The following TMPRSS7 variants were observed in gnomAD, a reference collection of about 807,000 sequenced individuals.
The protein encoded by TMPRSS7 is transmembrane protease serine 7.
A neutral mutation model predicts 95.6 loss-of-function variants in TMPRSS7; 81 were observed. The ratio of observed to expected loss-of-function variants is 0.85; its 90% CI spans 0.71 to 1.02. The LOEUF (loss-of-function observed/expected upper bound fraction) is 1.02. TMPRSS7 is among the 50% of genes least tolerant of loss of function. TMPRSS7 has a pLI of 0.00. For missense variants in TMPRSS7, 945 were observed against 955.2 expected (o/e 0.99, Z 0.14); for synonymous variants, 364 against 337.8 (o/e 1.08, Z -0.85).
intron 10 of TMPRSS7, among the ~76,000 whole-genome samples, chr3:112,060,786 G>A (rs1428692531): frequency 6.6e-6 from 1 of 152,154 alleles, no homozygotes; most frequent in Non-Finnish European, 1.5e-5. Flanking sequence ...ATGGGATTAA[G>A]AGATTAAAGT....
chr3:112,080,962 T>C, exon 18 of TMPRSS7: 1 of 1,613,510 alleles, frequency 6.2e-7, no homozygotes, highest in African/African-American at 1.3e-5. Context: ...TGATGGAAAA[T>C]GGATTTTGAC....
rs201649338 is a variant in TMPRSS7 at position 112,080,545 on chromosome 3, T to TACC, written c.2362-363_2362-361dup. ...TAGCCCTCACTACTACTACTACTACTACCACCACTACTACTACTACTACTA... is the reference window on the plus strand; with the variant it reads ...TAGCCCTCACTACTACTACTACTACTACCACCACCACTACTACTACTACTACTA... On this transcript the variant is annotated intron_variant, in intron 17 of 17. Transcript: ENST00000452346. Among the ~76,000 whole-genome samples the TACC allele has an allele frequency of 2.2e-3, 288 of 128,306 alleles. 1 individual carries two copies. The highest frequency in any genetic ancestry group is 2.8e-3 in the Non-Finnish European group (167 of 60,234). 84.2% of individuals were successfully genotyped at this position (128,306 alleles called of 152,430 possible). A position where few individuals can be genotyped will look rare whatever the true frequency, so the allele number is the denominator to read the frequency against.
intron 9 of TMPRSS7, among the ~76,000 whole-genome samples, chr3:112,053,905 T>G (rs2073397132): frequency 6.6e-6 from 1 of 152,240 alleles, no homozygotes; most frequent in Non-Finnish European, 1.5e-5. Flanking sequence ...CCAATACATT[T>G]TGTTATAGAA....
intron 13 of TMPRSS7, among the ~76,000 whole-genome samples, chr3:112,067,198 A>G (rs1489601535): frequency 6.6e-6 from 1 of 152,146 alleles, no homozygotes; most frequent in East Asian, 1.9e-4. Flanking sequence ...TCTGGTGTAT[A>G]TGTGCCACAT....
At chr3:112,060,387 G>A (rs1220471626) in intron 10 of TMPRSS7, among the ~76,000 whole-genome samples, 1 of 152,124 alleles carries the variant, frequency 6.6e-6, no homozygotes, top group Non-Finnish European at 1.5e-5. Flanking sequence ...AATAAGCCTG[G>A]GAGCACTAAG....
At chr3:112,046,078 A>G in intron 5 of TMPRSS7, 135 bp downstream of exon 5, 1 of 759,152 alleles carries the variant, frequency 1.3e-6, no homozygotes, top group Non-Finnish European at 2.1e-6. Flanking sequence ...GGATTAACTA[A>G]AGACATTGGA....
At chr3:112,066,109 A>AT (rs1479966240) in intron 12 of TMPRSS7, among the ~76,000 whole-genome samples, 4 of 152,230 alleles carry the variant, frequency 2.6e-5, no homozygotes, top group Admixed American at 1.3e-4. Context: ...CTCCCTTAAA[A>AT]TAAATTACTA....
At chr3:112,057,038 C>A (rs80263895) in exon 10 of TMPRSS7, 1 of 1,608,334 alleles carries the variant, frequency 6.2e-7, no homozygotes, top group Non-Finnish European at 8.5e-7. Context: ...TCTCTATCAA[C>A]TCTTGGCATA....
intron 9 of TMPRSS7, among the ~76,000 whole-genome samples, chr3:112,054,830 C>G (rs1277058883): frequency 6.9e-6 from 1 of 145,984 alleles, no homozygotes; most frequent in Non-Finnish European, 1.5e-5. Context: ...AGCTCCGCCT[C>G]CCAGGTTCAC....
intron 12 of TMPRSS7, among the ~76,000 whole-genome samples, chr3:112,065,333 T>A (rs2073562404): frequency 6.6e-6 from 1 of 152,198 alleles, no homozygotes; most frequent in African/African-American, 2.4e-5. Context: ...CGAGCCACCA[T>A]GCCTAGTTTA....
chr3:112,062,156 C>T (rs1012222263), intron 11 of TMPRSS7, among the ~76,000 whole-genome samples: 2 of 151,738 alleles, frequency 1.3e-5, no homozygotes, highest in Non-Finnish European at 2.9e-5. Flanking sequence ...AATAATATAA[C>T]TTTTTAATAT....
chr3:112,043,511 G>T (rs56163753), intron 3 of TMPRSS7, among the ~76,000 whole-genome samples: 44,379 of 151,994 alleles, frequency 0.29, 7,281 homozygotes, highest in East Asian at 0.45. Flanking sequence ...GTTGCACAGT[G>T]AATTTAAATT....
rs527984904 is a variant in TMPRSS7 at position 112,046,083 on chromosome 3, A to G, written c.691+140A>G. 6.8e-4 allele frequency: 500 copies of G among 739,492 alleles called. 7 individuals are homozygous for G. The South Asian group carries it at 9.6e-3, about 14-fold the overall frequency. The allele number at this position is 739,492 out of a possible 1,614,324, so 45.8% of individuals were successfully genotyped here. On this transcript the variant is annotated intron_variant, in intron 5 of 17. Transcript: ENST00000452346. Reference sequence around the variant, plus strand: ...CAGTGGCGCAGGATTAACTAAAGACATTGGAGCTATGTTAGTAAAGGAAAT... The same window carrying G: ...CAGTGGCGCAGGATTAACTAAAGACGTTGGAGCTATGTTAGTAAAGGAAAT...
In TMPRSS7 at chr3:112,049,827, T is replaced by A; in HGVS notation, c.960-17T>A. 2.7e-6 allele frequency: 4 copies of A among 1,507,242 alleles called. No homozygotes were observed. The highest frequency in any genetic ancestry group is 3.6e-6 in the Non-Finnish European group (4 of 1,117,222). The allele number at this position is 1,507,242 out of a possible 1,614,324, so 93.4% of individuals were successfully genotyped here. A position where few individuals can be genotyped will look rare whatever the true frequency, so the allele number is the denominator to read the frequency against. On this transcript the variant is annotated splice_polypyrimidine_tract_variant and intron_variant, in intron 7 of 17. Transcript: ENST00000452346. ...AACGTATTATTCATGTACTTTTGTT[T>A]TATTATCTGCTTTCAGAATTTGTGA...
chr3:112,049,935 T>A, exon 8 of TMPRSS7: 2 of 1,575,434 alleles, frequency 1.3e-6, no homozygotes, highest in Non-Finnish European at 1.7e-6. Flanking sequence ...ACGGAGGCTC[T>A]CAGGAATCCG....
Position 112,065,185 on chromosome 3 carries a change from C to T in TMPRSS7, c.1556-1207C>T, listed in dbSNP as rs112815638. 3.6e-3 allele frequency among the ~76,000 whole-genome samples: 553 copies of T among 152,184 alleles called. 4 individuals carry two copies. The highest frequency in any genetic ancestry group is 0.012 in the African/African-American group (510 of 41,512). On this transcript the variant is annotated intron_variant, in intron 12 of 17. Coordinates refer to ENST00000452346, the Ensembl canonical transcript of TMPRSS7. Reference sequence around the variant, plus strand: ...CCTCCTGAGTAGCTGGGAATACAGGCGCACACCACCAATGCCACTAACTCT... The same window carrying T: ...CCTCCTGAGTAGCTGGGAATACAGGTGCACACCACCAATGCCACTAACTCT...
In TMPRSS7 at chr3:112,066,499, C is replaced by CA. The variant is rs1219829577; in HGVS notation, c.1666dup (p.Ser556LysfsTer10). The CA allele has an allele frequency of 6.2e-7, 1 of 1,613,446 alleles. No individual in the cohort carries two copies. Among genetic ancestry groups the CA allele is most frequent in the Admixed American group, 1.7e-5 (1 of 59,976 alleles). On this transcript the variant is annotated frameshift_variant, in exon 13 of 18. Transcript: ENST00000452346. LOFTEE classifies it high-confidence loss of function. ...TGGCCGGGATGAGCAAAACTGCACT[C>CA]AAAGTGAGGGAGAGTCCTCTGTGCC...
chr3:112,042,083 G>A, intron 3 of TMPRSS7, 33 bp downstream of exon 3: 1 of 1,536,406 alleles, frequency 6.5e-7, no homozygotes, highest in Non-Finnish European at 8.8e-7. Context: ...TATTAGGGTA[G>A]AGTGGGTTTG....
At chr3:112,067,568 C>A (rs1479744948) in intron 13 of TMPRSS7, among the ~76,000 whole-genome samples, 1 of 152,230 alleles carries the variant, frequency 6.6e-6, no homozygotes, top group Non-Finnish European at 1.5e-5. Context: ...ATTTTCATTT[C>A]TCTGATGACC....
Sources: gnomAD v4.1 joint callset for allele counts (sites outside exome capture counted in the v4.1 genomes callset) on GRCh38, gnomAD v4.1.1 for gene constraint, MANE v1.5 for transcripts, NCBI Gene and HGNC (gene_info 2026-07-23, HGNC 2026-07-21) for gene names.